LMF1: variants seen among roughly 807,000 people sequenced by gnomAD.
LMF1 encodes lipase maturation factor 1.
A neutral mutation model predicts 60.6 loss-of-function variants in LMF1; 68 were observed. The observed-to-expected ratio is 1.12, with a 90% confidence interval of 0.92 to 1.37. The LOEUF is 1.37. Ranked by LOEUF, LMF1 falls within the 40% of genes most tolerant of loss-of-function variation. The pLI is 0.00. For missense variants in LMF1, 948 were observed against 767.2 expected (o/e 1.24, Z -2.78); for synonymous variants, 418 against 324.7 (o/e 1.29, Z -3.09).
intron 4 of LMF1, 27 bp from the exon 5 acceptor site, chr16:893,099 T>C: frequency 6.5e-7 from 1 of 1,545,330 alleles, no homozygotes; most frequent in Non-Finnish European, 8.8e-7. Flanking sequence ...AGAGGGAGAG[T>C]CAGTCACAGG....
At chr16:915,078 G>T (rs549998624) in intron 3 of LMF1, among the ~76,000 whole-genome samples, 15 of 152,292 alleles carry the variant, frequency 9.8e-5, no homozygotes, top group African/African-American at 3.6e-4. Context: ...TCTCGTGCTC[G>T]CTTCCTAGAT....
chr16:973,375 C>G (rs2073083042), upstream of LMF1, among the ~76,000 whole-genome samples: 1 of 152,124 alleles, frequency 6.6e-6, no homozygotes, highest in Non-Finnish European at 1.5e-5. Context: ...AAAAAGGAAT[C>G]CAGTTCTGAC....
upstream of LMF1, chr16:971,127 A>ACCGCCCCCTCCAGCCGGCC (rs2073044487): frequency 2.5e-6 from 2 of 786,414 alleles, no homozygotes; most frequent in Non-Finnish European, 3.5e-6. Flanking sequence ...TCCCGGAGGC[A>ACCGCCCCCTCCAGCCGGCC]CCGCCCCCTC....
intron 1 of LMF1, among the ~76,000 whole-genome samples, chr16:957,287 T>C (rs1197361041): frequency 6.6e-6 from 1 of 152,196 alleles, no homozygotes; most frequent in Non-Finnish European, 1.5e-5. Context: ...TTGGGGTCCA[T>C]GTCTGTGTAA....
intron 1 of LMF1, chr16:978,930 A>C: frequency 2.2e-6 from 1 of 452,030 alleles, no homozygotes; most frequent in South Asian, 1.6e-5. Context: ...GCAGGAGATC[A>C]GAAGCTTCAG....
chr16:889,405 T>C (rs115719750), intron 5 of LMF1, among the ~76,000 whole-genome samples: 87 of 146,944 alleles, frequency 5.9e-4, no homozygotes, highest in African/African-American at 2.2e-3. Flanking sequence ...TGTGAGGCTG[T>C]GGATGGCCAT....
chr16:976,862 G>A (rs766198816), intron 1 of LMF1: 4 of 454,124 alleles, frequency 8.8e-6, no homozygotes, highest in South Asian at 6.2e-5. Flanking sequence ...GAACAGCCTG[G>A]GCAGGGGTCC....
chr16:910,485 G>A (rs553557679), intron 4 of LMF1, among the ~76,000 whole-genome samples: 15 of 152,324 alleles, frequency 9.8e-5, no homozygotes, highest in African/African-American at 3.4e-4. Context: ...GCGTCAGGAC[G>A]GCGGGTCTCA....
intron 5 of LMF1, among the ~76,000 whole-genome samples, chr16:888,633 G>T (rs778305487): frequency 1.3e-5 from 2 of 152,218 alleles, no homozygotes; most frequent in Non-Finnish European, 2.9e-5. Context: ...CTCCGATGTG[G>T]GGACCGCAGC....
chr16:974,913 G>C (rs2858991), upstream of LMF1, among the ~76,000 whole-genome samples: 77,181 of 152,092 alleles, frequency 0.51, 20,690 homozygotes, highest in African/African-American at 0.68. Flanking sequence ...CTGAAGTCTG[G>C]GTATGGAAGG....
At chr16:868,326 G>C (rs897855054) in intron 10 of LMF1, among the ~76,000 whole-genome samples, 4 of 152,106 alleles carry the variant, frequency 2.6e-5, no homozygotes, top group African/African-American at 9.7e-5. Flanking sequence ...TGGTCACAAT[G>C]CTCAGGGTCC....
chr16:954,158 G>C (rs1282278183), intron 2 of LMF1, 199 bp downstream of exon 2: 1 of 700,186 alleles, frequency 1.4e-6, no homozygotes, highest in Non-Finnish European at 2.6e-6. Context: ...AAAGAGGTGG[G>C]GTTTTAATCC....
At chr16:948,774 C>G (rs1448868074) in intron 2 of LMF1, among the ~76,000 whole-genome samples, 79 of 110,962 alleles carry the variant, frequency 7.1e-4, no homozygotes, top group African/African-American at 1.8e-3. Flanking sequence ...CAGAGTCAGC[C>G]AACGACAGAG....
intron 2 of LMF1, among the ~76,000 whole-genome samples, chr16:951,893 G>A (rs2072480657): frequency 6.6e-6 from 1 of 152,250 alleles, no homozygotes; most frequent in Non-Finnish European, 1.5e-5. Flanking sequence ...TCATGTGAAC[G>A]TGATGTGCGG....
At chr16:884,488 CTT>C (rs146134860) in intron 5 of LMF1, among the ~76,000 whole-genome samples, 8,768 of 152,268 alleles carry the variant, frequency 0.058, 625 homozygotes, top group Admixed American at 0.17. Flanking sequence ...GAAATAAAGA[CTT>C]TGTCAGACAT....
intron 2 of LMF1, among the ~76,000 whole-genome samples, chr16:940,390 C>G (rs1294098356): frequency 6.6e-6 from 1 of 152,074 alleles, no homozygotes; most frequent in Non-Finnish European, 1.5e-5. Context: ...GAAACACAGG[C>G]TCACCCACCG....
chr16:871,087 C>G (rs749295293), intron 7 of LMF1, 74 bp downstream of exon 7: 310 of 1,456,730 alleles, frequency 2.1e-4, no homozygotes, highest in Non-Finnish European at 2.7e-4. Flanking sequence ...CCAACCCACA[C>G]GGGCAGGCTG....
rs1426864375 is a variant in LMF1, at chr16:878,226, T to C, written c.897+1344A>G. Reference sequence around the variant, plus strand: ...GCAGAGAGAAACGTGCGGTCCTGGCTGGGGGACGATCTGTGAGCAAGTCCG... The same window carrying C: ...GCAGAGAGAAACGTGCGGTCCTGGCCGGGGGACGATCTGTGAGCAAGTCCG... On this transcript the variant is annotated intron_variant, in intron 6 of 10. Transcript: ENST00000262301. The surrounding 1 kb of genome is among the most constrained non-coding windows in gnomAD (Gnocchi z 5.2). Among the ~76,000 whole-genome samples, 1 of 152,130 alleles carries C rather than the reference T, an allele frequency of 6.6e-6. No homozygotes were observed. The highest frequency in any genetic ancestry group is 1.9e-4 in the East Asian group (1 of 5,190).
At position 948,354 on chromosome 16, in the gene LMF1, AGAGTCAGAGCCAACG is replaced by A. The variant is rs2072307898; in HGVS notation, c.503+5988_503+6002del. ...CAACGACAGAGTCAGAGCCAATGAC[AGAGTCAGAGCCAACG>A]ACAGAGTCAGAGCCAACGTCAGAGT... On this transcript the variant is annotated intron_variant, in intron 2 of 10. Transcript: ENST00000262301. 4.0e-5 allele frequency among the ~76,000 whole-genome samples: 6 copies of A among 151,880 alleles called. 1 individual carries two copies. Among genetic ancestry groups the A allele is most frequent in the African/African-American group, 1.5e-4 (6 of 41,332 alleles).
Sources: gnomAD v4.1 joint callset for allele counts (sites outside exome capture counted in the v4.1 genomes callset) on GRCh38, gnomAD v4.1.1 for gene constraint, Gnocchi (gnomAD v3.1) non-coding constraint, MANE v1.5 for transcripts, NCBI Gene and HGNC (gene_info 2026-07-23, HGNC 2026-07-21) for gene names.